The following GLRB variants were observed in gnomAD, a reference collection of about 807,000 sequenced individuals.
GLRB encodes the protein glycine receptor subunit beta.
Under a neutral mutation model 54.2 loss-of-function variants are expected in GLRB, and 33 were observed. The ratio of observed to expected loss-of-function variants is 0.61; its 90% CI spans 0.46 to 0.81. GLRB has a LOEUF of 0.81. GLRB is among the 40% of genes least tolerant of loss of function. GLRB has a pLI of 0.00. For missense variants in GLRB, 572 were observed against 584.6 expected (o/e 0.98, Z 0.22); for synonymous variants, 209 against 208.2 (o/e 1.00, Z -0.03).
At chr4:157,165,103 A>G (rs995988829) in intron 9 of GLRB, among the ~76,000 whole-genome samples, 3 of 152,162 alleles carry the variant, frequency 2.0e-5, no homozygotes, top group Non-Finnish European at 2.9e-5. Flanking sequence ...TCTTTACAGG[A>G]CAAAAATGCA....
At chr4:157,105,913 TC>T (rs1735206704) in intron 2 of GLRB, among the ~76,000 whole-genome samples, 1 of 152,124 alleles carries the variant, frequency 6.6e-6, no homozygotes, top group Non-Finnish European at 1.5e-5. Context: ...AAAGTAGATC[TC>T]TTTTTTAAAA....
intron 8 of GLRB, among the ~76,000 whole-genome samples, chr4:157,147,459 G>T (rs1736854990): frequency 6.7e-6 from 1 of 148,208 alleles, no homozygotes; most frequent in Non-Finnish European, 1.5e-5. Context: ...CTTCAGGAAA[G>T]AAGATGAGGG....
intron 8 of GLRB, among the ~76,000 whole-genome samples, chr4:157,148,792 C>A (rs532028203): frequency 6.6e-6 from 1 of 151,808 alleles, no homozygotes; most frequent in Non-Finnish European, 1.5e-5. Context: ...ACCATGTGCA[C>A]GTGCAGTGTG....
intron 2 of GLRB, among the ~76,000 whole-genome samples, chr4:157,109,718 C>T (rs1436364329): frequency 6.6e-6 from 1 of 152,006 alleles, no homozygotes; most frequent in Non-Finnish European, 1.5e-5. Flanking sequence ...AATCTGGATT[C>T]CCCTGATCAT....
chr4:157,147,795 A>C (rs1736867397), intron 8 of GLRB, among the ~76,000 whole-genome samples: 1 of 152,140 alleles, frequency 6.6e-6, no homozygotes, highest in Admixed American at 6.5e-5. Context: ...AAGGCCAGAG[A>C]GTAGAATCAG....
In GLRB at chr4:157,159,032, G is replaced by T. The variant is rs182067390; in HGVS notation, c.1197+6022G>T. 1.1e-4 allele frequency among the ~76,000 whole-genome samples: 17 copies of T among 152,252 alleles called. No homozygotes were observed. In the East Asian group the frequency reaches 3.1e-3, roughly 28 times the overall value. Reference sequence around the variant, plus strand: ...TGAGCAGTAGTTCGTAGTTCTCCTTGAAGAGGTCCTCCACATCCCTTGTAA... The same window carrying T: ...TGAGCAGTAGTTCGTAGTTCTCCTTTAAGAGGTCCTCCACATCCCTTGTAA... On this transcript the variant is annotated intron_variant, in intron 9 of 9. Coordinates refer to ENST00000264428, the MANE Select transcript of GLRB (RefSeq NM_000824.5).
chr4:157,101,816 T>TG (rs1349154071), intron 2 of GLRB, among the ~76,000 whole-genome samples: 9 of 35,912 alleles, frequency 2.5e-4, no homozygotes, highest in South Asian at 1.8e-3. Context: ...TTTTTTTTGG[T>TG]GGGGGGGAGG....
At chr4:157,142,787 G>A (rs1013861490) in intron 7 of GLRB, among the ~76,000 whole-genome samples, 3 of 151,932 alleles carry the variant, frequency 2.0e-5, no homozygotes, top group East Asian at 1.9e-4. Flanking sequence ...AACAGAAAAC[G>A]ATTATAGATA....
chr4:157,153,005 T>C lies in GLRB; in HGVS notation c.1192T>C (p.Leu398=). ...GTGTPVHIST[L]QVGETRCKKV... is the part of the protein sequence containing the mutation. ...AGGGACTCCTGTTCATATTAGCACT[T>C]TGCAGGTAAGGATAAAATTATGCCA... The change falls in exon 9 of 10, where the codon TTG becomes CTG. Residue 398 remains leucine, a synonymous_variant. Transcript: ENST00000264428. 6.2e-7 allele frequency: 1 copy of C among 1,612,494 alleles called. No homozygotes were observed. Among genetic ancestry groups the C allele is most frequent in the Non-Finnish European group, 8.5e-7 (1 of 1,178,608 alleles).
At chr4:157,133,625 T>G (rs530308032) in intron 4 of GLRB, among the ~76,000 whole-genome samples, 23 of 152,046 alleles carry the variant, frequency 1.5e-4, no homozygotes, top group Non-Finnish European at 1.9e-4. Context: ...AATAAATAAT[T>G]TTTGAATGAA....
chr4:157,136,842 T>C lies in GLRB; in HGVS notation c.566T>C (p.Leu189Ser), dbSNP rs767093958. 1 of 1,611,200 alleles carries C rather than the reference T, an allele frequency of 6.2e-7. No homozygotes were observed. Among genetic ancestry groups the C allele is most frequent in the Non-Finnish European group, 8.5e-7 (1 of 1,177,330 alleles). The change falls in exon 6 of 10, where the codon TTG (leucine) becomes TCG (serine). Residue 189 changes from leucine (L) to serine (S), a missense_variant. Physicochemically the swap from Leu to Ser is moderately radical, Grantham distance 145. Transcript: ENST00000264428. ...ITLSCPLDLT[L>S]FPMDTQRCKM... Reference sequence around the variant, plus strand: ...CTTTCATGCCCTTTGGACTTGACATTGTTTCCCATGGATACACAACGTTGC... The same window carrying C: ...CTTTCATGCCCTTTGGACTTGACATCGTTTCCCATGGATACACAACGTTGC...
At chr4:157,121,417 CA>C (rs1394863395) in intron 3 of GLRB, among the ~76,000 whole-genome samples, 1 of 147,938 alleles carries the variant, frequency 6.8e-6, no homozygotes, top group Non-Finnish European at 1.5e-5. Context: ...TGGTTAAGGA[CA>C]GGTATTAATG....
chr4:157,122,971 T>C (rs1276793732), intron 4 of GLRB, among the ~76,000 whole-genome samples: 1 of 151,676 alleles, frequency 6.6e-6, no homozygotes, highest in Non-Finnish European at 1.5e-5. Context: ...AGCAGATTCG[T>C]GTCTTGAAAG....
intron 4 of GLRB, among the ~76,000 whole-genome samples, chr4:157,124,395 T>A (rs1254820316): frequency 6.6e-6 from 1 of 151,834 alleles, no homozygotes; most frequent in African/African-American, 2.4e-5. Flanking sequence ...TGTAATTAAA[T>A]TATTTTTGTG....
intron 8 of GLRB, among the ~76,000 whole-genome samples, chr4:157,152,264 AT>A (rs1737049190): frequency 6.6e-6 from 1 of 152,096 alleles, no homozygotes; most frequent in African/African-American, 2.4e-5. Flanking sequence ...TTATCAAAAC[AT>A]TGCTTTATAT....
At chr4:157,146,349 C>T (rs185894673) in intron 8 of GLRB, among the ~76,000 whole-genome samples, 101 of 151,798 alleles carry the variant, frequency 6.7e-4, no homozygotes, top group Non-Finnish European at 1.3e-3. Context: ...AATACAAAGT[C>T]GCTAAAGGCT....
intron 2 of GLRB, among the ~76,000 whole-genome samples, chr4:157,092,498 G>A (rs1401569791): frequency 2.0e-5 from 3 of 152,090 alleles, no homozygotes; most frequent in East Asian, 1.9e-4. Context: ...TCTTGGTCTC[G>A]TTTTTATTTT....
chr4:157,102,351 C>A (rs1473853662), intron 2 of GLRB, among the ~76,000 whole-genome samples: 2 of 152,110 alleles, frequency 1.3e-5, no homozygotes, highest in African/African-American at 4.8e-5. Context: ...ATTTTCCCTA[C>A]CCCCAGCCTC....
chr4:157,125,983 G>A (rs1040725528), intron 4 of GLRB, among the ~76,000 whole-genome samples: 2 of 151,694 alleles, frequency 1.3e-5, no homozygotes. Flanking sequence ...TTCTACTTCA[G>A]CAGATAGTGC....
Sources: gnomAD v4.1 joint callset for allele counts (sites outside exome capture counted in the v4.1 genomes callset) on GRCh38, gnomAD v4.1.1 for gene constraint, MANE v1.5 for transcripts, NCBI Gene and HGNC (gene_info 2026-07-23, HGNC 2026-07-21) for gene names.